Variants in ADCY2 observed in about 807,000 individuals in gnomAD.
The protein encoded by ADCY2 is adenylate cyclase 2, also known as adenylate cyclase type 2.
A neutral mutation model predicts 125.2 loss-of-function variants in ADCY2; 31 were observed. That is an observed-to-expected ratio of 0.25 (90% CI 0.19 to 0.33). The LOEUF is 0.33. Among genes scored for constraint, ADCY2 ranks in the 10% least tolerant of loss-of-function variants. The pLI is 1.00. For missense variants in ADCY2, 904 were observed against 1,418.2 expected (o/e 0.64, Z 5.82); for synonymous variants, 512 against 548.4 (o/e 0.93, Z 0.93).
chr5:7,636,527 G>A (rs943894082), intron 4 of ADCY2, among the ~76,000 whole-genome samples: 6 of 152,198 alleles, frequency 3.9e-5, no homozygotes, highest in African/African-American at 1.4e-4. Context: ...CAAGGCAGAT[G>A]TCTTGATTGA....
At chr5:7,664,281 T>C (rs1739637060) in intron 4 of ADCY2, among the ~76,000 whole-genome samples, 1 of 152,230 alleles carries the variant, frequency 6.6e-6, no homozygotes, top group Non-Finnish European at 1.5e-5. Context: ...TTCTCTCAGC[T>C]GAATTGAAAA....
rs148179050 is a variant in ADCY2, at chr5:7,697,982, T to C, written c.982-265T>C. ...CCCCATCACCATCCTTCTCTGCTTC[T>C]ATGAAGTGTAAATCATTCCAGAACA... is the stretch of plus-strand genomic sequence containing the variant. On this transcript the variant is annotated intron_variant, in intron 6 of 24. Transcript: ENST00000338316. 8.5e-5 allele frequency among the ~76,000 whole-genome samples: 13 copies of C among 152,338 alleles called. No individual in the cohort carries two copies. In the South Asian group the frequency reaches 1.5e-3, roughly 17 times the overall value.
chr5:7,815,779 G>A (rs1480438871), intron 22 of ADCY2, among the ~76,000 whole-genome samples: 2 of 152,158 alleles, frequency 1.3e-5, no homozygotes, highest in Admixed American at 6.5e-5. Flanking sequence ...AGCCCTCAAG[G>A]ACGAGTAAAT....
chr5:7,727,142 C>A, intron 13 of ADCY2, 22 bp from the exon 14 acceptor site: 1 of 1,583,374 alleles, frequency 6.3e-7, no homozygotes, highest in Non-Finnish European at 8.7e-7. Context: ...CTGTCACTCA[C>A]AGGTTCCTTT....
chr5:7,794,440 G>C (rs1169389773), intron 20 of ADCY2: 1 of 152,332 alleles, frequency 6.6e-6, no homozygotes, highest in Non-Finnish European at 1.5e-5. Context: ...TGCGGGAACA[G>C]TGAGTGTGGG....
chr5:7,646,435 G>C (rs1654827559), intron 4 of ADCY2, among the ~76,000 whole-genome samples: 1 of 151,850 alleles, frequency 6.6e-6, no homozygotes, highest in Non-Finnish European at 1.5e-5. Context: ...AGCTTTAAAG[G>C]AGAAAATTAG....
intron 16 of ADCY2, among the ~76,000 whole-genome samples, chr5:7,758,104 G>A (rs1012556862): frequency 3.3e-5 from 5 of 152,160 alleles, no homozygotes; most frequent in African/African-American, 1.2e-4. Context: ...CCAGCTGCAC[G>A]ACTAGAAAGA....
At chr5:7,442,263 A>G (rs938909921) in intron 2 of ADCY2, among the ~76,000 whole-genome samples, 3 of 151,924 alleles carry the variant, frequency 2.0e-5, no homozygotes, top group East Asian at 1.9e-4. Flanking sequence ...TTCCTATCCA[A>G]CTTGAATCCT....
At chr5:7,611,433 G>A (rs986839256) in intron 3 of ADCY2, among the ~76,000 whole-genome samples, 6 of 152,054 alleles carry the variant, frequency 3.9e-5, no homozygotes, top group African/African-American at 1.4e-4. Flanking sequence ...AATAGTTTTA[G>A]TCTTGATTGT....
At chr5:7,671,136 T>C (rs974291126) in intron 4 of ADCY2, among the ~76,000 whole-genome samples, 2 of 152,226 alleles carry the variant, frequency 1.3e-5, no homozygotes, top group Non-Finnish European at 2.9e-5. Flanking sequence ...ACAGCATGCC[T>C]ATGTGTATTT....
At chr5:7,503,836 G>A (rs935237261) in intron 2 of ADCY2, among the ~76,000 whole-genome samples, 1 of 152,198 alleles carries the variant, frequency 6.6e-6, no homozygotes, top group African/African-American at 2.4e-5. Context: ...TCAAAGACAA[G>A]TCTTTAACAT....
intron 2 of ADCY2, among the ~76,000 whole-genome samples, chr5:7,441,483 A>G (rs1487110502): frequency 1.3e-5 from 2 of 151,936 alleles, no homozygotes; most frequent in Admixed American, 6.6e-5. Context: ...TCTTGACTTG[A>G]TGACTAGGAT....
intron 3 of ADCY2, among the ~76,000 whole-genome samples, chr5:7,595,058 T>G (rs567258664): frequency 6.6e-6 from 1 of 152,330 alleles, no homozygotes; most frequent in East Asian, 1.9e-4. Flanking sequence ...GTTTTCTTTG[T>G]CCTTCAAGGC....
chr5:7,432,029 G>T (rs1322899483), intron 2 of ADCY2, among the ~76,000 whole-genome samples: 2 of 152,056 alleles, frequency 1.3e-5, no homozygotes, highest in African/African-American at 4.8e-5. Flanking sequence ...AGCTCTACTG[G>T]CAGAGAGAAG....
chr5:7,721,681 A>G (rs1472712957), intron 12 of ADCY2, among the ~76,000 whole-genome samples: 1 of 152,216 alleles, frequency 6.6e-6, no homozygotes, highest in East Asian at 1.9e-4. Flanking sequence ...TGTTTTTGTC[A>G]GGTTTGTCAA....
chr5:7,665,333 G>A (rs978095810), intron 4 of ADCY2, among the ~76,000 whole-genome samples: 1 of 152,112 alleles, frequency 6.6e-6, no homozygotes, highest in South Asian at 2.1e-4. Context: ...TAGCTTCCCA[G>A]ATAACAGCCA....
intron 4 of ADCY2, 157 bp from the exon 5 acceptor site, chr5:7,690,534 T>C: frequency 1.9e-6 from 1 of 521,644 alleles, no homozygotes; most frequent in African/African-American, 1.9e-5. Flanking sequence ...AAAATCTCTT[T>C]TTATTCCCAA....
intron 14 of ADCY2, among the ~76,000 whole-genome samples, chr5:7,728,396 C>G (rs1741997674): frequency 6.6e-6 from 1 of 152,154 alleles, no homozygotes; most frequent in African/African-American, 2.4e-5. Context: ...AGTTCCTTAG[C>G]AATGTGCTCC....
chr5:7,641,092 G>A (rs1189649926), intron 4 of ADCY2, among the ~76,000 whole-genome samples: 1 of 152,122 alleles, frequency 6.6e-6, no homozygotes, highest in Non-Finnish European at 1.5e-5. Flanking sequence ...GAGATTATAA[G>A]AACTATGAGA....
Sources: allele counts gnomAD v4.1 joint callset (sites outside exome capture counted in the v4.1 genomes callset), GRCh38; gene constraint gnomAD v4.1.1; transcripts MANE v1.5; gene names NCBI Gene and HGNC (gene_info 2026-07-23, HGNC 2026-07-21).